The following ZNF292 variants were observed in gnomAD, a reference collection of about 807,000 sequenced individuals.
ZNF292 encodes zinc finger protein 292, also known as 16 zinc-finger domain protein.
ZNF292 carries 26 observed loss-of-function variants against 217.9 expected under a neutral mutation model. That is an observed-to-expected ratio of 0.12 (90% CI 0.09 to 0.17). The LOEUF is 0.17. Ranked by LOEUF, ZNF292 falls within the 10% of genes least tolerant of loss-of-function variation. The probability of loss-of-function intolerance (pLI) is 1.00; values close to 1 mark genes in which losing one functional copy is unlikely to be tolerated. For missense variants in ZNF292, 2,904 were observed against 3,175.2 expected (o/e 0.91, Z 2.05); for synonymous variants, 1,257 against 1,124.1 (o/e 1.12, Z -2.37).
intron 7 of ZNF292, among the ~76,000 whole-genome samples, chr6:87,247,322 A>G (rs1033278988): frequency 2.7e-5 from 4 of 148,898 alleles, no homozygotes; most frequent in Non-Finnish European, 5.9e-5. Flanking sequence ...CACAATCACT[A>G]CATGAAGCTG....
In ZNF292 at chr6:87,255,435, T is replaced by C. The variant is rs751342004; in HGVS notation, c.1806T>C (p.Ala602=). The part of the protein sequence containing the change: ...VKQSSKERLA[A]MKPLRRLGRP... ...AATCTAGTAAAGAGAGACTAGCAGC[T>C]ATGAAACCATTAAGAAGATTGGGAA... The change falls in exon 8 of 8, where the codon GCT becomes GCC. Residue 602 remains alanine (A), a synonymous_variant. Transcript: ENST00000369577. 3 of 1,613,760 alleles carry C rather than the reference T, an allele frequency of 1.9e-6. No individual in the cohort carries two copies. Among genetic ancestry groups the C allele is most frequent in the Non-Finnish European group, 2.5e-6 (3 of 1,179,818 alleles).
At chr6:87,192,517 A>G (rs1235045915) in intron 1 of ZNF292, among the ~76,000 whole-genome samples, 1 of 152,066 alleles carries the variant, frequency 6.6e-6, no homozygotes, top group Non-Finnish European at 1.5e-5. Flanking sequence ...GTTTTTTATC[A>G]TGGACACTCT....
At chr6:87,207,896 C>G (rs1326846096) in intron 1 of ZNF292, among the ~76,000 whole-genome samples, 1 of 152,104 alleles carries the variant, frequency 6.6e-6, no homozygotes, top group African/African-American at 2.4e-5. Context: ...TTGCATTCAT[C>G]TCTCTCATGT....
intron 1 of ZNF292, among the ~76,000 whole-genome samples, chr6:87,189,955 T>A (rs914482609): frequency 6.6e-6 from 1 of 152,252 alleles, no homozygotes; most frequent in Non-Finnish European, 1.5e-5. Flanking sequence ...GATTTATTTA[T>A]GTCAGTATAG....
chr6:87,194,880 G>A lies in ZNF292; in HGVS notation c.169-21023G>A, dbSNP rs141230238. The stretch of plus-strand genomic sequence containing the variant: ...GATGGTATTGCAGGAATTCAGTGCT[G>A]GTTCTGTACCTGAAAATGTCTATAT... On this transcript the variant is annotated intron_variant, in intron 1 of 7. Transcript: ENST00000369577. Among the ~76,000 whole-genome samples, 185 of 151,996 alleles carry A rather than the reference G, an allele frequency of 1.2e-3. 1 individual carries two copies. Among genetic ancestry groups the A allele is most frequent in the African/African-American group, 4.1e-3 (172 of 41,488 alleles).
intron 1 of ZNF292, among the ~76,000 whole-genome samples, chr6:87,209,651 A>C (rs574515669): frequency 6.6e-6 from 1 of 152,338 alleles, no homozygotes; most frequent in East Asian, 1.9e-4. Context: ...TCAGGCATTG[A>C]AGAGATTTGA....
At chr6:87,181,206 C>G (rs1425147792) in intron 1 of ZNF292, among the ~76,000 whole-genome samples, 1 of 152,118 alleles carries the variant, frequency 6.6e-6, no homozygotes, top group Non-Finnish European at 1.5e-5. Flanking sequence ...CCCTAGCGTC[C>G]CGGATCACAC....
chr6:87,257,579 A>G lies in ZNF292; in HGVS notation c.3950A>G (p.Asn1317Ser), dbSNP rs1775299062. The G allele has an allele frequency of 1.2e-6, 2 of 1,606,552 alleles. No individual in the cohort carries two copies. Among genetic ancestry groups the G allele is most frequent in the South Asian group, 2.2e-5 (2 of 89,942 alleles). ...SSFLKGGNGE[N>S]AVFPSQVNVA... ...TTTCTAAAGGGGGGTAATGGTGAAA[A>G]TGCAGTTTTTCCTTCACAAGTGAAT... The change falls in exon 8 of 8, where the codon AAT becomes AGT. Residue 1317 changes from asparagine (N) to serine (S), a missense_variant. By Grantham distance (46) the Asn-to-Ser change is conservative. Transcript: ENST00000369577.
At chr6:87,216,091 A>G (rs1373669493) in intron 2 of ZNF292, 34 bp downstream of exon 2, 3 of 1,505,578 alleles carry the variant, frequency 2.0e-6, no homozygotes, top group Non-Finnish European at 2.7e-6. Context: ...AACTAGATTT[A>G]GCTTTAAAAA....
intron 1 of ZNF292, among the ~76,000 whole-genome samples, chr6:87,195,302 A>T (rs1425859905): frequency 6.6e-6 from 1 of 152,254 alleles, no homozygotes; most frequent in South Asian, 2.1e-4. Flanking sequence ...GTATATTAGT[A>T]GAACAAGTAG....
intron 7 of ZNF292, among the ~76,000 whole-genome samples, chr6:87,249,990 G>A (rs977710061): frequency 2.7e-5 from 4 of 145,784 alleles, no homozygotes; most frequent in African/African-American, 5.1e-5. Context: ...GATTATAGGC[G>A]TGAGCCACTG....
chr6:87,260,831 G>A lies in ZNF292; in HGVS notation c.7202G>A (p.Ser2401Asn), dbSNP rs1366589251. ...TGTACTTCAGTTGTTACAAGTGAAA[G>A]CAATATAATTAGACATTATAAGTGC... The part of the protein sequence containing the change: ...KGCTSVVTSE[S>N]NIIRHYKCHK... Residue 2401 changes from serine to asparagine, a missense_variant, in exon 8 of 8, where the codon AGC (serine) becomes AAC (asparagine). Physicochemically the swap from Ser to Asn is conservative, Grantham distance 46. Coordinates refer to ENST00000369577, the MANE Select transcript of ZNF292 (RefSeq NM_015021.3). The A allele has an allele frequency of 1.2e-6, 2 of 1,612,094 alleles. No homozygotes were observed. Among genetic ancestry groups the A allele is most frequent in the Non-Finnish European group, 1.7e-6 (2 of 1,178,934 alleles).
At chr6:87,156,080 T>C (rs957648501) in intron 1 of ZNF292, among the ~76,000 whole-genome samples, 1 of 152,208 alleles carries the variant, frequency 6.6e-6, no homozygotes, top group Admixed American at 6.5e-5. Flanking sequence ...AGTAGGAGAA[T>C]GGAGGCCAGG....
intron 5 of ZNF292, among the ~76,000 whole-genome samples, chr6:87,239,917 A>G (rs1774169589): frequency 1.5e-5 from 2 of 130,506 alleles, no homozygotes; most frequent in Non-Finnish European, 3.3e-5. Flanking sequence ...ATGGGTGGCC[A>G]GGCAGAGACG....
At chr6:87,222,290 C>G (rs538817308) in intron 4 of ZNF292, among the ~76,000 whole-genome samples, 8 of 151,998 alleles carry the variant, frequency 5.3e-5, no homozygotes, top group African/African-American at 1.9e-4. Context: ...TTAAAAAAAT[C>G]TTTCTGCTTG....
chr6:87,226,207 CT>C (rs967516727), intron 4 of ZNF292, among the ~76,000 whole-genome samples: 8 of 152,126 alleles, frequency 5.3e-5, no homozygotes, highest in African/African-American at 1.2e-4. Context: ...CTGCAGTTCT[CT>C]TTTTTCCCCC....
intron 4 of ZNF292, among the ~76,000 whole-genome samples, chr6:87,220,764 C>A (rs1773042594): frequency 6.6e-6 from 1 of 152,180 alleles, no homozygotes; most frequent in Non-Finnish European, 1.5e-5. Flanking sequence ...CATCTCTGTG[C>A]TGCTTTATTT....
chr6:87,179,918 G>C (rs1771419951), intron 1 of ZNF292, among the ~76,000 whole-genome samples: 1 of 152,084 alleles, frequency 6.6e-6, no homozygotes, highest in Non-Finnish European at 1.5e-5. Context: ...TGTATTTCTA[G>C]TTTATTGCTT....
intron 1 of ZNF292, 76 bp downstream of exon 1, chr6:87,155,835 A>G: frequency 1.4e-6 from 2 of 1,443,728 alleles, no homozygotes; most frequent in Non-Finnish European, 1.8e-6. Flanking sequence ...TAGGCGGCCG[A>G]GAGGTGGTCG....
Sources: gnomAD v4.1 joint callset for allele counts (sites outside exome capture counted in the v4.1 genomes callset) on GRCh38, gnomAD v4.1.1 for gene constraint, MANE v1.5 for transcripts, NCBI Gene and HGNC (gene_info 2026-07-23, HGNC 2026-07-21) for gene names.